Variants in FAM53C observed in about 807,000 individuals in gnomAD.
FAM53C encodes protein FAM53C.
A neutral mutation model predicts 34.7 loss-of-function variants in FAM53C; 10 were observed. The observed-to-expected ratio is 0.29, with a 90% CI of 0.18 to 0.49. The LOEUF is 0.49. FAM53C is among the 20% of genes least tolerant of loss of function. FAM53C has a pLI of 0.99. For synonymous variants in FAM53C, 203 were observed against 203.6 expected, an observed-to-expected ratio of 1.00 and a Z score of 0.03; for missense variants, 442 against 515.3, an observed-to-expected ratio of 0.86 and a Z score of 1.38.
At chr5:138,341,724 C>A in intron 2 of FAM53C, 85 bp from the exon 3 acceptor site, 1 of 1,204,438 alleles carries the variant, frequency 8.3e-7, no homozygotes, top group Non-Finnish European at 1.2e-6. Context: ...GCTCATGAAT[C>A]GCAGAGGAGA....
chr5:138,338,346 C>G (rs765422000), intron 1 of FAM53C, 39 bp downstream of exon 1: 4 of 440,528 alleles, frequency 9.1e-6, no homozygotes, highest in South Asian at 6.4e-5. Context: ...GGCCTCGGGG[C>G]GGGCACCTCA....
chr5:138,339,991 G>A (rs1283164395), intron 1 of FAM53C, among the ~76,000 whole-genome samples: 2 of 152,112 alleles, frequency 1.3e-5, no homozygotes, highest in Non-Finnish European at 2.9e-5. Flanking sequence ...GAGGGAGGAT[G>A]GTATTCAGCC....
chr5:138,339,827 A>G (rs1356669935), intron 1 of FAM53C, among the ~76,000 whole-genome samples: 1 of 151,930 alleles, frequency 6.6e-6, no homozygotes, highest in Non-Finnish European at 1.5e-5. Flanking sequence ...CTTCCAGAGA[A>G]CTCCAGGTAC....
In FAM53C at chr5:138,346,757, T is replaced by C. The variant is rs1473403207; in HGVS notation, c.977T>C (p.Ile326Thr). ...LQETAREGSS[I>T]SPPWFMACSP... is the part of the protein sequence containing the mutation. ...GAAACAGCCCGGGAAGGCAGCAGCA[T>C]CTCTCCACCATGGTTCATGGCCTGT... Residue 326 changes from isoleucine to threonine, a missense_variant, in exon 5 of 5, where the codon ATC (isoleucine) becomes ACC (threonine). Transcript: ENST00000239906. The C allele has an allele frequency of 3.1e-6, 5 of 1,614,158 alleles. No homozygotes were observed. Among genetic ancestry groups the C allele is most frequent in the Non-Finnish European group, 3.4e-6 (4 of 1,180,040 alleles).
chr5:138,341,492 T>G (rs1414680770), intron 2 of FAM53C, 79 bp downstream of exon 2: 1 of 1,274,658 alleles, frequency 7.8e-7, no homozygotes, highest in African/African-American at 1.5e-5. Context: ...TACTTTACTC[T>G]TGTCCTGTGC....
chr5:138,339,634 T>A (rs370329340), intron 1 of FAM53C, among the ~76,000 whole-genome samples: 13 of 152,194 alleles, frequency 8.5e-5, no homozygotes, highest in African/African-American at 2.9e-4. Flanking sequence ...TGGTTGATCT[T>A]TGAGGGCAGC....
chr5:138,338,421 C>T (rs1760886809), intron 1 of FAM53C, 114 bp downstream of exon 1: 2 of 344,672 alleles, frequency 5.8e-6, no homozygotes, highest in African/African-American at 4.5e-5. Flanking sequence ...CCGGGCCTCG[C>T]TGGCCGCCTC....
chr5:138,343,697 C>T (rs566393984), intron 3 of FAM53C: 2 of 152,286 alleles, frequency 1.3e-5, no homozygotes, highest in African/African-American at 2.4e-5. Flanking sequence ...CTCCCTAACT[C>T]GTGCTGCTCA....
intron 2 of FAM53C, 158 bp downstream of exon 2, chr5:138,341,571 G>T: frequency 1.3e-6 from 1 of 799,556 alleles, no homozygotes. Context: ...AAAGGAAGGG[G>T]GCAGGGATTT....
chr5:138,343,130 T>C (rs972215168), intron 3 of FAM53C: 1 of 152,180 alleles, frequency 6.6e-6, no homozygotes, highest in Non-Finnish European at 1.5e-5. Context: ...CTACATATTA[T>C]TACACTGCAT....
upstream of FAM53C, chr5:138,338,154 A>C (rs747317530): frequency 1.6e-6 from 2 of 1,289,628 alleles, no homozygotes; most frequent in Non-Finnish European, 2.0e-6. Flanking sequence ...TGCGCCCTCC[A>C]TGGGTGGCTT....
chr5:138,341,449 C>T (rs760734205), intron 2 of FAM53C, 36 bp downstream of exon 2: 2 of 1,559,408 alleles, frequency 1.3e-6, no homozygotes, highest in East Asian at 4.5e-5. Context: ...CCACGACCCC[C>T]TCCCCCTTTT....
chr5:138,337,909 G>A (rs138572737), upstream of FAM53C: 1 of 1,253,706 alleles, frequency 8.0e-7, no homozygotes, highest in South Asian at 1.2e-5. Context: ...GGAGGCTGCA[G>A]TTGGGCCGTT....
Position 138,341,829 on chromosome 5 carries a change from C to T in FAM53C, c.99C>T (p.Asp33=), listed in dbSNP as rs572009368. The change falls in exon 3 of 5, where the codon GAC becomes GAT. Residue 33 remains aspartate (D), a synonymous_variant. Transcript: ENST00000239906. The part of the protein sequence containing the change: ...SISLPLPDHA[D]ISNCGNSFQL... ...CTTAGCCTTTGCCTGATCATGCAGA[C>T]ATCTCCAACTGTGGGAACTCTTTCC... The T allele has an allele frequency of 6.2e-7, 1 of 1,614,170 alleles. No individual in the cohort carries two copies. Among genetic ancestry groups the T allele is most frequent in the Non-Finnish European group, 8.5e-7 (1 of 1,180,004 alleles).
intron 3 of FAM53C, 75 bp from the exon 4 acceptor site, chr5:138,344,750 A>G (rs879313029): frequency 6.7e-6 from 9 of 1,353,094 alleles, no homozygotes; most frequent in African/African-American, 2.9e-5. Context: ...TGCTCCATAC[A>G]TTATGTGGCA....
Position 138,344,871 on chromosome 5 carries a change from C to T in FAM53C, c.183C>T (p.Phe61=). 1 of 1,608,114 alleles carries T rather than the reference C, an allele frequency of 6.2e-7. No homozygotes were observed. Among genetic ancestry groups the T allele is most frequent in the African/African-American group, 1.3e-5 (1 of 74,834 alleles). Residue 61 remains phenylalanine, a synonymous_variant, in exon 4 of 5, where the codon TTC becomes TTT. Transcript: ENST00000239906. ...RGLPHCSCAE[F]QDSLNFSYHP... is the part of the protein sequence containing the mutation. The stretch of plus-strand genomic sequence containing the variant: ...TGCCCCACTGTTCCTGTGCTGAGTT[C>T]CAGGACAGCCTCAACTTCAGCTACC...
upstream of FAM53C, chr5:138,337,941 G>T (rs908948727): frequency 7.8e-7 from 1 of 1,287,870 alleles, no homozygotes; most frequent in Non-Finnish European, 1.0e-6. Flanking sequence ...GGGCAGGGGC[G>T]ATGCCTTTGT....
chr5:138,341,453 C>G (rs1360392454), intron 2 of FAM53C, 40 bp downstream of exon 2: 4 of 1,535,382 alleles, frequency 2.6e-6, no homozygotes, highest in Non-Finnish European at 3.6e-6. Flanking sequence ...GACCCCCTCC[C>G]CCTTTTTTCT....
intron 3 of FAM53C, chr5:138,343,806 C>T (rs1365446631): frequency 6.6e-6 from 1 of 152,194 alleles, no homozygotes; most frequent in Non-Finnish European, 1.5e-5. Flanking sequence ...TTATTAAAGA[C>T]TTGCTGAAAG....
Sources: allele counts gnomAD v4.1 joint callset (sites outside exome capture counted in the v4.1 genomes callset), GRCh38; gene constraint gnomAD v4.1.1; transcripts MANE v1.5; gene names NCBI Gene and HGNC (gene_info 2026-07-23, HGNC 2026-07-21).